Variants in SEPTIN6 observed in about 807,000 individuals in gnomAD.
SEPTIN6 encodes septin 6.
In SEPTIN6, 8 loss-of-function variants were observed where a neutral mutation model predicts 33.6. The ratio of observed to expected loss-of-function variants is 0.24; its 90% CI spans 0.14 to 0.43. The LOEUF is 0.43. Among genes scored for constraint, SEPTIN6 ranks in the 20% least tolerant of loss-of-function variants. SEPTIN6 has a pLI of 1.00. For synonymous variants in SEPTIN6, 131 were observed against 140.0 expected (o/e 0.94, Z 0.45); for missense variants, 250 against 340.8 (o/e 0.73, Z 2.10).
intron 2 of SEPTIN6, among the ~76,000 whole-genome samples, chrX:119,665,155 G>C (rs2054615837): frequency 9.6e-6 from 1 of 104,666 alleles, no homozygotes; most frequent in African/African-American, 3.5e-5. Context: ...CCAGGCTGGA[G>C]AGCAGTGGCG....
chrX:119,657,989 T>C (rs1054696643), intron 3 of SEPTIN6, among the ~76,000 whole-genome samples: 225 of 110,068 alleles, frequency 2.0e-3, no homozygotes, highest in African/African-American at 7.1e-3. Flanking sequence ...TAGCCGGGCG[T>C]GGTGGTGGGC....
At chrX:119,625,004 C>T (rs997478399) in intron 10 of SEPTIN6, among the ~76,000 whole-genome samples, 4 of 111,630 alleles carry the variant, frequency 3.6e-5, no homozygotes, top group African/African-American at 1.3e-4. Flanking sequence ...TGAGCCACTG[C>T]GTCCGGCCCG....
At chrX:119,645,648 C>A (rs781025349) in intron 5 of SEPTIN6, among the ~76,000 whole-genome samples, 10 of 111,148 alleles carry the variant, frequency 9.0e-5, no homozygotes, top group African/African-American at 2.9e-4. Flanking sequence ...CCACCCGCCT[C>A]GGCCTCCCAA....
At chrX:119,689,260 C>A (rs1446525542) in intron 1 of SEPTIN6, among the ~76,000 whole-genome samples, 2 of 111,830 alleles carry the variant, frequency 1.8e-5, no homozygotes, top group Non-Finnish European at 3.8e-5. Context: ...AAAGGAACAG[C>A]TCATTAAAAG....
intron 1 of SEPTIN6, among the ~76,000 whole-genome samples, chrX:119,687,402 C>T (rs934545493): frequency 1.3e-4 from 14 of 110,003 alleles, no homozygotes; most frequent in Admixed American, 1.2e-3. Flanking sequence ...AGGCACCCGC[C>T]ACCACGCCCG....
At chrX:119,660,702 C>G (rs944818044) in intron 3 of SEPTIN6, among the ~76,000 whole-genome samples, 3 of 109,893 alleles carry the variant, frequency 2.7e-5, no homozygotes, top group Non-Finnish European at 5.7e-5. Context: ...TTATTCTCAA[C>G]CAAACAAGAT....
chrX:119,626,679 A>G (rs1408407383), intron 9 of SEPTIN6, among the ~76,000 whole-genome samples: 3 of 111,052 alleles, frequency 2.7e-5, no homozygotes, highest in Non-Finnish European at 5.7e-5. Flanking sequence ...TTCTGGACTA[A>G]TTGGTGAAGA....
At chrX:119,637,593 T>TCATCCATC (rs199984540) in intron 6 of SEPTIN6, among the ~76,000 whole-genome samples, 2 of 74,586 alleles carry the variant, frequency 2.7e-5, no homozygotes, top group African/African-American at 1.1e-4. Flanking sequence ...ATCCATCCAC[T>TCATCCATC]CATCCATCCA....
intron 2 of SEPTIN6, among the ~76,000 whole-genome samples, chrX:119,674,428 C>T (rs1255876728): frequency 8.9e-6 from 1 of 111,893 alleles, no homozygotes. Context: ...CCACCGGCCT[C>T]GGCCTCCCAA....
intron 10 of SEPTIN6, chrX:119,624,166 TTTG>T: frequency 3.8e-5 from 9 of 237,889 alleles, no homozygotes; most frequent in South Asian, 8.8e-5. Context: ...TGTTTTTTTT[TTTG>T]TTTGTTTGTT....
chrX:119,633,416 T>C lies in SEPTIN6; in HGVS notation c.1033A>G (p.Met345Val), dbSNP rs766570333. ...TTCTCTTTGACTCGCTGGACGAACA[T>C]CTGTCTCATCTCCTCTTCTTTTTTC... is the stretch of plus-strand genomic sequence containing the variant. ...LQKKEEEMRQMFVQRVKEKEA... is the reference protein window; with the variant it reads ...LQKKEEEMRQVFVQRVKEKEA... The change falls in exon 8 of 11, where the codon ATG (methionine) becomes GTG (valine). Residue 345 changes from methionine (M) to valine (V), a missense_variant. This residue lies in a region of SEPTIN6 where 139 missense variants were observed against 227.0 expected (regional missense o/e 0.61). Transcript: ENST00000394610. 1.7e-6 allele frequency: 2 copies of C among 1,209,183 alleles called. No individual in the cohort carries two copies. The highest frequency in any genetic ancestry group is 2.2e-6 in the Non-Finnish European group (2 of 894,572).
chrX:119,672,993 T>C lies in SEPTIN6; in HGVS notation c.145+2561A>G, dbSNP rs756710520. ...CTCTCCCTATGAACAAGGACATGCA[T>C]AGTAGAAGTCACATCTTAAAAATAA... On this transcript the variant is annotated intron_variant, in intron 2 of 10. Transcript: ENST00000394610. Among the ~76,000 whole-genome samples the C allele has an allele frequency of 2.7e-5, 3 of 111,990 alleles. No homozygotes were observed. The East Asian group carries it at 8.3e-4, about 31-fold the overall frequency.
intron 3 of SEPTIN6, among the ~76,000 whole-genome samples, chrX:119,653,966 G>A (rs1237240917): frequency 9.0e-6 from 1 of 111,234 alleles, no homozygotes. Flanking sequence ...CTACTCAGGA[G>A]GCTGAGGCAG....
At chrX:119,650,466 T>C (rs1458492313) in intron 4 of SEPTIN6, among the ~76,000 whole-genome samples, 2 of 111,884 alleles carry the variant, frequency 1.8e-5, no homozygotes, top group Non-Finnish European at 3.8e-5. Context: ...CCTAAGTCCA[T>C]AGTCTTAAGC....
At chrX:119,636,958 G>C (rs922114167) in intron 7 of SEPTIN6, 69 bp downstream of exon 7, 27 of 1,130,677 alleles carry the variant, frequency 2.4e-5, no homozygotes, top group Non-Finnish European at 3.2e-5. Context: ...TCCAGGGGAA[G>C]GCTTCCACAC....
At chrX:119,685,854 G>A (rs1380443990) in intron 1 of SEPTIN6, among the ~76,000 whole-genome samples, 1 of 111,507 alleles carries the variant, frequency 9.0e-6, no homozygotes, top group Non-Finnish European at 1.9e-5. Context: ...CTCATTGTGT[G>A]TTCCTGCTCT....
intron 4 of SEPTIN6, 97 bp downstream of exon 4, chrX:119,652,757 T>G: frequency 1.5e-6 from 1 of 683,900 alleles, no homozygotes; most frequent in Non-Finnish European, 2.2e-6. Flanking sequence ...AGGGAGAGGA[T>G]GAGGATGCCA....
rs1170145951 is a variant in SEPTIN6 at position 119,624,567 on chromosome X, G to A, written c.*41+768C>T. On this transcript the variant is annotated intron_variant, in intron 10 of 10. Transcript: ENST00000394610. ...CCACCAGCGGGAAACAGAGAAGTGA[G>A]TTTCCATTGACTCTGGACATTCTCA... Among the ~76,000 whole-genome samples the A allele has an allele frequency of 2.7e-5, 3 of 111,565 alleles. No homozygotes were observed. In the East Asian group the frequency reaches 8.4e-4, roughly 31 times the overall value.
In SEPTIN6 at chrX:119,673,431, C is replaced by T. The variant is rs1317746099; in HGVS notation, c.145+2123G>A. Among the ~76,000 whole-genome samples the T allele has an allele frequency of 2.7e-5, 3 of 110,996 alleles. 1 individual carries two copies. Among genetic ancestry groups the T allele is most frequent in the African/African-American group, 9.8e-5 (3 of 30,530 alleles). The stretch of plus-strand genomic sequence containing the variant: ...AGGGAGTGAGCCTAGCTTGTGGGAA[C>T]AACTGCCCGTCATCTGTTGTTCTCT... On this transcript the variant is annotated intron_variant, in intron 2 of 10. Coordinates refer to ENST00000394610, the MANE Select transcript of SEPTIN6 (RefSeq NM_145799.4).
Sources: gnomAD v4.1 joint callset for allele counts (sites outside exome capture counted in the v4.1 genomes callset) on GRCh38, gnomAD v4.1.1 for gene constraint, gnomAD v4.1.1 regional missense constraint, MANE v1.5 for transcripts, NCBI Gene and HGNC (gene_info 2026-07-23, HGNC 2026-07-21) for gene names.